The following DNHD1 variants were observed in gnomAD, a reference collection of about 807,000 sequenced individuals.
DNHD1 encodes the protein dynein heavy chain domain 1.
In DNHD1, 383 loss-of-function variants were observed where a neutral mutation model predicts 458.1. The observed-to-expected ratio is 0.84, with a 90% confidence interval of 0.77 to 0.91. The LOEUF is 0.91. DNHD1 is among the 40% of genes least tolerant of loss of function. The probability of loss-of-function intolerance (pLI) is 0.00; values close to 1 mark genes in which losing one functional copy is unlikely to be tolerated. For missense variants in DNHD1, 5,336 were observed against 5,866.1 expected (o/e 0.91, Z 2.95); for synonymous variants, 2,203 against 2,376.9 (o/e 0.93, Z 2.13).
chr11:6,521,773 T>A (rs1203702746), intron 10 of DNHD1, among the ~76,000 whole-genome samples: 8 of 152,200 alleles, frequency 5.3e-5, no homozygotes, highest in African/African-American at 1.9e-4. Flanking sequence ...CACTCTGTCA[T>A]CCAGGCTGAA....
intron 4 of DNHD1, chr11:6,503,326 G>A (rs2555154): frequency 0.48 from 76,585 of 160,482 alleles, 18,735 homozygotes; most frequent in Non-Finnish European, 0.52. Context: ...CAGGTATCTT[G>A]TTCCTTAGAC....
chr11:6,563,763 C>A lies in DNHD1; in HGVS notation c.9923C>A (p.Ala3308Asp). 1 of 1,551,524 alleles carries A rather than the reference C, an allele frequency of 6.4e-7. No homozygotes were observed. The highest frequency in any genetic ancestry group is 8.7e-7 in the Non-Finnish European group (1 of 1,146,952). The change falls in exon 31 of 43, where the codon GCT becomes GAT. Residue 3308 changes from alanine (A) to aspartate (D), a missense_variant. Physicochemically the swap from Ala to Asp is moderately radical, Grantham distance 126 (BLOSUM62 -2). This residue lies in a region of DNHD1 where 3,932 missense variants were observed against 4,365.6 expected (regional missense o/e 0.90). Transcript: ENST00000254579. ...ATAAAGTTACATCTAATTCTGAAGG[C>A]TCCAGGTATGGACGATGCAGCCCTG... Reference protein sequence around the residue: ...ELIKLHLILKAPGMDDAALRA... With the variant: ...ELIKLHLILKDPGMDDAALRA...
rs866459100 is a variant in DNHD1 at position 6,539,297 on chromosome 11, C to T, written c.3404C>T (p.Ala1135Val). The T allele has an allele frequency of 1.3e-6, 2 of 1,551,416 alleles. No homozygotes were observed. Among genetic ancestry groups the T allele is most frequent in the Non-Finnish European group, 1.7e-6 (2 of 1,146,806 alleles). Residue 1135 changes from alanine (A) to valine (V), a missense_variant, in exon 17 of 43, where the codon GCA becomes GTA. Transcript: ENST00000254579. ...QLLTYPLLEFADRINQVWQNE... is the reference protein window; with the variant it reads ...QLLTYPLLEFVDRINQVWQNE... ...CTTACTTATCCACTGCTGGAGTTTG[C>T]AGATCGAATCAACCAGGTGGGGCCC...
chr11:6,499,053 GCT>G (rs1852088771), intron 3 of DNHD1, 92 bp downstream of exon 3: 2 of 1,410,910 alleles, frequency 1.4e-6, no homozygotes, highest in African/African-American at 2.9e-5. Context: ...TTTAGATCCA[GCT>G]CTCTGTTTAT....
At position 6,509,116 on chromosome 11, in the gene DNHD1, A is replaced by T; in HGVS notation, c.1124+33A>T. 3 of 1,614,120 alleles carry T rather than the reference A, an allele frequency of 1.9e-6. No individual in the cohort carries two copies. In the South Asian group the frequency reaches 3.3e-5, roughly 18 times the overall value. On this transcript the variant is annotated intron_variant, in intron 5 of 42. Coordinates refer to ENST00000254579, the MANE Select transcript of DNHD1 (RefSeq NM_144666.3). ...ATGACGGATATGTGATTTGGGGGGAAATGGATGACAGCAACAGTATATTAT... is the reference window on the plus strand; with the variant it reads ...ATGACGGATATGTGATTTGGGGGGATATGGATGACAGCAACAGTATATTAT...
intron 19 of DNHD1, 24 bp from the exon 20 acceptor site, chr11:6,544,550 G>A (rs1376307644): frequency 2.1e-5 from 32 of 1,538,444 alleles, no homozygotes; most frequent in Non-Finnish European, 2.6e-5. Flanking sequence ...TTTCCCACCA[G>A]CATTCCTCTG....
chr11:6,568,680 A>G lies in DNHD1; in HGVS notation c.12677A>G (p.His4226Arg), dbSNP rs1853765583. 1 of 1,613,634 alleles carries G rather than the reference A, an allele frequency of 6.2e-7. No individual in the cohort carries two copies. The highest frequency in any genetic ancestry group is 1.3e-5 in the African/African-American group (1 of 74,832). ...SASLPAVLTQ[H>R]SMPVFWNQSL... ...TCCTCCCCAGCTGTGCTGACTCAGC[A>G]CTCCATGCCTGTTTTCTGGAACCAG... The change falls in exon 39 of 43, where the codon CAC becomes CGC. Residue 4226 changes from histidine to arginine, a missense_variant. Transcript: ENST00000254579.
intron 3 of DNHD1, among the ~76,000 whole-genome samples, chr11:6,501,140 G>A (rs752397447): frequency 3.3e-5 from 5 of 152,180 alleles, no homozygotes; most frequent in Non-Finnish European, 7.3e-5. Flanking sequence ...CAAGGAAGAG[G>A]TTAAGTTTTG....
In DNHD1 at chr11:6,502,943, A is replaced by G. The variant is rs750763474; in HGVS notation, c.920+17A>G. 1.2e-6 allele frequency: 2 copies of G among 1,608,876 alleles called. No individual in the cohort carries two copies. Among genetic ancestry groups the G allele is most frequent in the Non-Finnish European group, 1.7e-6 (2 of 1,178,276 alleles). ...GTACTTTAGGTGATAGCCTATGTCCAGGCCCCTTCTCCTCCCCCTGCCTGG... is the reference window on the plus strand; with the variant it reads ...GTACTTTAGGTGATAGCCTATGTCCGGGCCCCTTCTCCTCCCCCTGCCTGG... On this transcript the variant is annotated intron_variant, in intron 4 of 42. Transcript: ENST00000254579.
chr11:6,498,938 G>A lies in DNHD1; in HGVS notation c.723G>A (p.Glu241=). Residue 241 remains glutamate, a synonymous_variant, in exon 3 of 43, where the codon GAG becomes GAA. Coordinates refer to ENST00000254579, the MANE Select transcript of DNHD1 (RefSeq NM_144666.3). ...GTGACACTGACAATGCAGAGGTGGA[G>A]CCTGTTGGAAGAAAAGAGACCAGGT... ...ESSDTDNAEV[E]PVGRKETRSQ... 1.2e-6 allele frequency: 2 copies of A among 1,606,332 alleles called. No homozygotes were observed. Among genetic ancestry groups the A allele is most frequent in the Non-Finnish European group, 8.5e-7 (1 of 1,175,858 alleles).
At chr11:6,568,344 C>A in intron 37 of DNHD1, 102 bp downstream of exon 37, 1 of 1,561,680 alleles carries the variant, frequency 6.4e-7, no homozygotes, top group Non-Finnish European at 8.7e-7. Flanking sequence ...CCAAACTTGT[C>A]CACTTGGCCT....
chr11:6,515,779 A>ATTTTTT (rs61095437), intron 7 of DNHD1, among the ~76,000 whole-genome samples: 9 of 108,298 alleles, frequency 8.3e-5, no homozygotes, highest in East Asian at 2.5e-4. Flanking sequence ...CTATAGACAC[A>ATTTTTT]TTTTTTTTTT....
chr11:6,513,948 A>C (rs1381140124), intron 7 of DNHD1, among the ~76,000 whole-genome samples: 1 of 151,858 alleles, frequency 6.6e-6, no homozygotes, highest in Non-Finnish European at 1.5e-5. Flanking sequence ...GGTTCACACC[A>C]TTCTCCTGCC....
rs748117572 is a variant in DNHD1 at position 6,529,097 on chromosome 11, T to C, written c.2323T>C (p.Cys775Arg). The C allele has an allele frequency of 3.9e-6, 6 of 1,550,312 alleles. No individual in the cohort carries two copies. In the South Asian group the frequency reaches 6.0e-5, roughly 15 times the overall value. The change falls in exon 12 of 43, where the codon TGC (cysteine) becomes CGC (arginine). Residue 775 changes from cysteine to arginine, a missense_variant. By Grantham distance (180) the Cys-to-Arg change is radical. Coordinates refer to ENST00000254579, the MANE Select transcript of DNHD1 (RefSeq NM_144666.3). ...AAAAGGCGGGTTGCTGCTACTTAGC[T>C]GCCATGATGTACAGGCAGAGATGGG... ...LTKGGLLLLS[C>R]HDVQAEMESK...
At position 6,538,820 on chromosome 11, in the gene DNHD1, G is replaced by A; in HGVS notation, c.3325+10G>A. 1.7e-5 allele frequency: 26 copies of A among 1,488,704 alleles called. No individual in the cohort carries two copies. The highest frequency in any genetic ancestry group is 2.3e-5 in the Non-Finnish European group (26 of 1,111,146). The allele number at this position is 1,488,704 out of a possible 1,614,324, so 92.2% of individuals were successfully genotyped here. A position where few individuals can be genotyped will look rare whatever the true frequency, so the allele number is the denominator to read the frequency against. On this transcript the variant is annotated intron_variant, in intron 16 of 42. Coordinates refer to ENST00000254579, the MANE Select transcript of DNHD1 (RefSeq NM_144666.3). ...CAGTGTCTCCTGCGTGGTATGTTTG[G>A]TTAATGTCAGAGGAGGGGGAAAGGG...
intron 14 of DNHD1, among the ~76,000 whole-genome samples, chr11:6,534,941 C>G (rs1852913533): frequency 6.6e-6 from 1 of 152,246 alleles, no homozygotes; most frequent in South Asian, 2.1e-4. Context: ...GAGATGAGGA[C>G]TCACTTTGTT....
In DNHD1 at chr11:6,557,210, G is replaced by C; in HGVS notation, c.7915G>C (p.Ala2639Pro). ...AGGCACTTGTCTGACCGTTATGATG[G>C]CCACACGCAATGTGGTGCGTCTTTG... ...LRGTCLTVMM[A>P]TRNVVRLWLH... The change falls in exon 25 of 43, where the codon GCC (alanine) becomes CCC (proline). Residue 2639 changes from alanine to proline, a missense_variant. Ala to Pro is a conservative substitution (Grantham distance 27). Coordinates refer to ENST00000254579, the MANE Select transcript of DNHD1 (RefSeq NM_144666.3). 1 of 1,551,636 alleles carries C rather than the reference G, an allele frequency of 6.4e-7. No individual in the cohort carries two copies. Among genetic ancestry groups the C allele is most frequent in the Non-Finnish European group, 8.7e-7 (1 of 1,147,008 alleles).
chr11:6,546,695 T>C lies in DNHD1; in HGVS notation c.5756T>C (p.Ile1919Thr). The C allele has an allele frequency of 9.4e-7, 1 of 1,063,072 alleles. No individual in the cohort carries two copies. Among genetic ancestry groups the C allele is most frequent in the Non-Finnish European group, 1.3e-6 (1 of 760,196 alleles). 65.9% of individuals were successfully genotyped at this position (1,063,072 alleles called of 1,614,324 possible). ...CTACTGCGCTCACCACTGTTTAGCATTCTCAATGGGCTCCACCTGCACAAC... is the reference window on the plus strand; with the variant it reads ...CTACTGCGCTCACCACTGTTTAGCACTCTCAATGGGCTCCACCTGCACAAC... ...AALLRSPLFS[I>T]LNGLHLHNLR... The change falls in exon 21 of 43, where the codon ATT becomes ACT. Residue 1919 changes from isoleucine to threonine, a missense_variant. Coordinates refer to ENST00000254579, the MANE Select transcript of DNHD1 (RefSeq NM_144666.3).
rs1261432920 is a variant in DNHD1, at chr11:6,563,000, C to T, written c.9538C>T (p.Gln3180Ter). 2 of 1,551,630 alleles carry T rather than the reference C, an allele frequency of 1.3e-6. No homozygotes were observed. Among genetic ancestry groups the T allele is most frequent in the African/African-American group, 2.7e-5 (2 of 73,180 alleles). ...DSGKSLSMFQ[Q>*]QLEQSKLLYK... Reference sequence around the variant, plus strand: ...TCTGCAGAGTCTCAGCATGTTTCAGCAGCAGCTAGAGCAAAGCAAGCTCCT... The same window carrying T: ...TCTGCAGAGTCTCAGCATGTTTCAGTAGCAGCTAGAGCAAAGCAAGCTCCT... Residue 3180 changes from glutamine to a stop codon, truncating the protein, a stop_gained, in exon 29 of 43, where the codon CAG (glutamine) becomes TAG (stop). Coordinates refer to ENST00000254579, the MANE Select transcript of DNHD1 (RefSeq NM_144666.3). LOFTEE classifies it high-confidence loss of function.
Sources: gnomAD v4.1 joint callset for allele counts (sites outside exome capture counted in the v4.1 genomes callset) on GRCh38, gnomAD v4.1.1 for gene constraint, gnomAD v4.1.1 regional missense constraint, MANE v1.5 for transcripts, NCBI Gene and HGNC (gene_info 2026-07-23, HGNC 2026-07-21) for gene names.